Variants in NAV3 observed in about 807,000 individuals in gnomAD.
NAV3 encodes pore membrane and/or filament interacting like protein 1.
NAV3 carries 87 observed loss-of-function variants against 244.7 expected under a neutral mutation model. That is an observed-to-expected ratio of 0.36 (90% CI 0.30 to 0.42). NAV3 has a LOEUF of 0.42. Among genes scored for constraint, NAV3 ranks in the 20% least tolerant of loss-of-function variants. NAV3 has a pLI of 1.00. For missense variants in NAV3, 2,663 were observed against 2,893.3 expected (o/e 0.92, Z 1.83); for synonymous variants, 1,126 against 1,042.2 (o/e 1.08, Z -1.55).
chr12:78,033,004 A>G (rs73348689), intron 9 of NAV3, among the ~76,000 whole-genome samples: 4,286 of 152,210 alleles, frequency 0.028, 193 homozygotes, highest in African/African-American at 0.098. Context: ...CAACTGAAAA[A>G]TGTTCATAGG....
chr12:77,760,498 G>A (rs1220356748), intron 2 of NAV3, among the ~76,000 whole-genome samples: 1 of 152,220 alleles, frequency 6.6e-6, no homozygotes, highest in Non-Finnish European at 1.5e-5. Context: ...ACTAGTAGCA[G>A]TTGGAGAGTT....
intron 12 of NAV3, among the ~76,000 whole-genome samples, chr12:78,066,301 A>G (rs1048390805): frequency 7.9e-5 from 12 of 152,138 alleles, no homozygotes; most frequent in African/African-American, 2.7e-4. Flanking sequence ...TTTTACCACA[A>G]AATAAAATAA....
At position 78,128,595 on chromosome 12, in the gene NAV3, T is replaced by C. The variant is rs1956027187; in HGVS notation, c.4281-111T>C. ...TGAGCAATTATAATTAGATTCAATC[T>C]GTTTGAAATTGTTCATTCTGAATAG... On this transcript the variant is annotated intron_variant, in intron 17 of 39. Transcript: ENST00000397909. 6 of 1,048,498 alleles carry C rather than the reference T, an allele frequency of 5.7e-6. No homozygotes were observed. The South Asian group carries it at 1.2e-4, about 21-fold the overall frequency. 64.9% of individuals were successfully genotyped at this position (1,048,498 alleles called of 1,614,324 possible). A position where few individuals can be genotyped will look rare whatever the true frequency, so the allele number is the denominator to read the frequency against.
At chr12:77,907,202 C>T (rs1015673333) in intron 1 of NAV3, among the ~76,000 whole-genome samples, 5 of 152,124 alleles carry the variant, frequency 3.3e-5, no homozygotes, top group African/African-American at 9.7e-5. Context: ...AGGGTGGTGG[C>T]GAAAGCCATG....
Position 77,590,980 on chromosome 12 carries a change from A to C in NAV3, c.72+18714A>C, listed in dbSNP as rs754404590. On this transcript the variant is annotated intron_variant, in intron 2 of 8. Transcript: ENST00000550042. ...GACTCTTGTATAGTACCTGCTGTGT[A>C]AGAATGGCTCAGGAAATAGAGAAGG... is the stretch of plus-strand genomic sequence containing the variant. Among the ~76,000 whole-genome samples the C allele has an allele frequency of 5.9e-5, 9 of 152,228 alleles. 1 individual carries two copies. Among genetic ancestry groups the C allele is most frequent in the Non-Finnish European group, 1.2e-4 (8 of 68,038 alleles).
At chr12:77,672,595 G>T (rs12314099) in intron 2 of NAV3, among the ~76,000 whole-genome samples, 2 of 151,714 alleles carry the variant, frequency 1.3e-5, no homozygotes, top group Non-Finnish European at 2.9e-5. Context: ...TCCATGGTGC[G>T]TACACATATA....
intron 2 of NAV3, among the ~76,000 whole-genome samples, chr12:77,816,460 G>T (rs927942298): frequency 6.6e-5 from 10 of 152,188 alleles, no homozygotes; most frequent in African/African-American, 2.4e-4. Context: ...TTTCCTTTGA[G>T]TTAATTATTA....
intron 1 of NAV3, among the ~76,000 whole-genome samples, chr12:77,885,146 C>A (rs11107171): frequency 0.35 from 52,432 of 151,758 alleles, 9,374 homozygotes; most frequent in African/African-American, 0.43. Flanking sequence ...ATCTTGAAAG[C>A]GAAATTATTC....
intron 9 of NAV3, chr12:78,036,612 G>C (rs1879927620): frequency 3.0e-6 from 1 of 338,144 alleles, no homozygotes; most frequent in African/African-American, 2.1e-5. Context: ...AGAGTCTTTG[G>C]TGAACTCTTT....
chr12:77,814,965 T>C (rs928328114), intron 2 of NAV3, among the ~76,000 whole-genome samples: 1 of 152,184 alleles, frequency 6.6e-6, no homozygotes, highest in Non-Finnish European at 1.5e-5. Flanking sequence ...ATCACTTACA[T>C]TGGCACTGTT....
rs187098447 is a variant in NAV3, at chr12:78,129,294, A to G, written c.4441+428A>G. Among the ~76,000 whole-genome samples the G allele has an allele frequency of 3.9e-3, 593 of 152,312 alleles. 2 individuals carry two copies. The highest frequency in any genetic ancestry group is 0.013 in the African/African-American group (544 of 41,574). On this transcript the variant is annotated intron_variant, in intron 18 of 39. Coordinates refer to ENST00000397909, the MANE Select transcript of NAV3 (RefSeq NM_001024383.2). ...TGTCTGAAATATTAAAACATCCTTA[A>G]AACAAAATTAGTAATCTTTTGTAGA...
intron 22 of NAV3, among the ~76,000 whole-genome samples, chr12:78,156,212 A>G (rs1565734087): frequency 6.6e-6 from 1 of 152,038 alleles, no homozygotes; most frequent in South Asian, 2.1e-4. Flanking sequence ...TTTTCTGTAT[A>G]TGGCTAGTCA....
At chr12:78,186,322 T>C (rs1958718259) in intron 31 of NAV3, among the ~76,000 whole-genome samples, 1 of 151,912 alleles carries the variant, frequency 6.6e-6, no homozygotes, top group South Asian at 2.1e-4. Context: ...TGGCCAAAAA[T>C]ACAAATTTCT....
intron 7 of NAV3, among the ~76,000 whole-genome samples, chr12:78,003,871 A>G (rs1487474226): frequency 6.6e-6 from 1 of 152,238 alleles, no homozygotes; most frequent in Non-Finnish European, 1.5e-5. Context: ...AAGATGCTAA[A>G]GAAGAAGGTA....
intron 3 of NAV3, among the ~76,000 whole-genome samples, chr12:77,949,904 G>A (rs1198494039): frequency 6.6e-6 from 1 of 152,046 alleles, no homozygotes; most frequent in East Asian, 1.9e-4. Context: ...TTATATTGTT[G>A]GAGTCATACA....
At chr12:77,593,600 C>T (rs1407411951) in intron 2 of NAV3, among the ~76,000 whole-genome samples, 1 of 148,146 alleles carries the variant, frequency 6.8e-6, no homozygotes, top group Non-Finnish European at 1.5e-5. Flanking sequence ...CAGGTGCGTG[C>T]CACCATGCCC....
chr12:77,901,664 C>T (rs914623514), intron 1 of NAV3, among the ~76,000 whole-genome samples: 5 of 152,002 alleles, frequency 3.3e-5, no homozygotes, highest in Non-Finnish European at 2.9e-5. Context: ...GAACTGAGAT[C>T]GCACCACCGC....
At chr12:78,086,774 T>A (rs1187166689) in intron 12 of NAV3, among the ~76,000 whole-genome samples, 1 of 152,044 alleles carries the variant, frequency 6.6e-6, no homozygotes, top group African/African-American at 2.4e-5. Context: ...AGATTCACTT[T>A]GCATTTTATT....
At chr12:78,056,728 C>A (rs75573290) in intron 11 of NAV3, among the ~76,000 whole-genome samples, 1 of 150,718 alleles carries the variant, frequency 6.6e-6, no homozygotes, top group Non-Finnish European at 1.5e-5. Context: ...GACTCTATCT[C>A]AAAAAAAACG....
Sources: allele counts gnomAD v4.1 joint callset (sites outside exome capture counted in the v4.1 genomes callset), GRCh38; gene constraint gnomAD v4.1.1; transcripts MANE v1.5; gene names NCBI Gene and HGNC (gene_info 2026-07-23, HGNC 2026-07-21).